PUS1: variants seen among roughly 807,000 people sequenced by gnomAD.
PUS1 encodes pseudouridylate synthase 1 homolog.
A neutral mutation model predicts 38.5 loss-of-function variants in PUS1; 25 were observed. The ratio of observed to expected loss-of-function variants is 0.65; its 90% CI spans 0.47 to 0.91. The LOEUF (loss-of-function observed/expected upper bound fraction) is 0.91. Ranked by LOEUF, PUS1 falls within the 40% of genes least tolerant of loss-of-function variation. The probability of loss-of-function intolerance (pLI) is 0.00; values close to 1 mark genes in which losing one functional copy is unlikely to be tolerated. For missense variants in PUS1, 597 were observed against 612.3 expected (o/e 0.97, Z 0.26); for synonymous variants, 282 against 260.4 (o/e 1.08, Z -0.80).
At chr12:131,938,048 T>C (rs1437236358) in intron 3 of PUS1, among the ~76,000 whole-genome samples, 1 of 152,196 alleles carries the variant, frequency 6.6e-6, no homozygotes, top group East Asian at 1.9e-4. Flanking sequence ...TTCAGCTTCT[T>C]TGATGTGGCA....
Position 131,929,473 on chromosome 12 carries a change from A to G in PUS1, c.-250A>G. The G allele has an allele frequency of 2.3e-6, 1 of 443,098 alleles. No homozygotes were observed. Among genetic ancestry groups the G allele is most frequent in the Non-Finnish European group, 4.0e-6 (1 of 251,394 alleles). The allele number at this position is 443,098 out of a possible 1,614,324, so 27.4% of individuals were successfully genotyped here. A position where few individuals can be genotyped will look rare whatever the true frequency, so the allele number is the denominator to read the frequency against. The stretch of plus-strand genomic sequence containing the variant: ...TCCCGGGGCGGTCTGGGGGCAGTAG[A>G]GACGGGGCTTGGGCGCGGGGCCTGA... On this transcript the variant is annotated 5_prime_UTR_variant, in exon 1 of 6. Coordinates refer to ENST00000376649, the MANE Select transcript of PUS1 (RefSeq NM_025215.6).
intron 3 of PUS1, among the ~76,000 whole-genome samples, chr12:131,938,883 G>A (rs867956800): frequency 2.6e-5 from 4 of 152,042 alleles, no homozygotes; most frequent in South Asian, 2.1e-4. Context: ...CACCATGCCC[G>A]GCTAATTTTT....
Position 131,932,340 on chromosome 12 carries a change from C to G in PUS1, c.441+28C>G, listed in dbSNP as rs568380130. 7.1e-5 allele frequency: 114 copies of G among 1,612,136 alleles called. 1 individual carries two copies. In the East Asian group the frequency reaches 7.8e-4, roughly 11 times the overall value. On this transcript the variant is annotated intron_variant, in intron 3 of 5. Transcript: ENST00000376649. ...GGGTGGTGGCCTTCTCTGCCCCTCC[C>G]CCGCTGCTATGAGCAGCACGTGGCC...
chr12:131,941,886 C>T lies in PUS1; in HGVS notation c.1139C>T (p.Thr380Ile). The change falls in exon 5 of 6, where the codon ACC (threonine) becomes ATC (isoleucine). Residue 380 changes from threonine (T) to isoleucine (I), a missense_variant. Transcript: ENST00000376649. The surrounding 1 kb of genome is among the most constrained non-coding windows in gnomAD (Gnocchi z 4.4). ...CACATCTACCCCACCATCATCGGCA[C>T]CGAGCGGGACGAACGCTCCATGGCC... ...EEHIYPTIIGTERDERSMAQW... is the reference protein window; with the variant it reads ...EEHIYPTIIGIERDERSMAQW... 1 of 1,613,600 alleles carries T rather than the reference C, an allele frequency of 6.2e-7. No individual in the cohort carries two copies. The highest frequency in any genetic ancestry group is 8.5e-7 in the Non-Finnish European group (1 of 1,180,020).
At position 131,929,810 on chromosome 12, in the gene PUS1, C is replaced by A; in HGVS notation, c.74+14C>A. The A allele has an allele frequency of 6.4e-7, 1 of 1,571,510 alleles. No homozygotes were observed. On this transcript the variant is annotated intron_variant, in intron 1 of 5. Transcript: ENST00000376649. ...GCGTCCGTCCTGGTAATGACCGCGA[C>A]GCCGGGCGACCCCGCTATGCCCGCC...
At chr12:131,932,072 A>G (rs1181782934) in intron 2 of PUS1, 103 bp from the exon 3 acceptor site, 1 of 952,802 alleles carries the variant, frequency 1.0e-6, no homozygotes, top group South Asian at 1.4e-5. Flanking sequence ...GCACTTCAGG[A>G]GGCCAGAGGA....
intron 3 of PUS1, among the ~76,000 whole-genome samples, chr12:131,936,210 C>CAA (rs764654394): frequency 8.2e-6 from 1 of 122,636 alleles, no homozygotes. Context: ...GACTCCATCT[C>CAA]AAAAAAAAAA....
At position 131,944,492 on chromosome 12, in the gene PUS1, T is replaced by C. The variant is rs907509258; in HGVS notation, c.*906T>C. ...TTGCGCCACTGCACTCCAGCCTGGG[T>C]GAGAGAGCCAAACTCCGTCAAAAAA... On this transcript the variant is annotated 3_prime_UTR_variant, in exon 6 of 6. Transcript: ENST00000376649. The C allele has an allele frequency of 6.6e-6, 1 of 151,724 alleles. No homozygotes were observed. The highest frequency in any genetic ancestry group is 1.5e-5 in the Non-Finnish European group (1 of 68,070). 9.4% of individuals were successfully genotyped at this position (151,724 alleles called of 1,614,324 possible).
chr12:131,929,817 C>A (rs375967131), intron 1 of PUS1, 21 bp downstream of exon 1: 38 of 1,565,450 alleles, frequency 2.4e-5, no homozygotes, highest in Non-Finnish European at 3.3e-5. Context: ...CGACGCCGGG[C>A]GACCCCGCTA....
intron 3 of PUS1, among the ~76,000 whole-genome samples, chr12:131,935,113 CT>C: frequency 6.9e-6 from 1 of 145,332 alleles, no homozygotes; most frequent in South Asian, 2.3e-4. Context: ...AAGTTCACTC[CT>C]AGTGGGTGAG....
In PUS1 at chr12:131,943,975, A is replaced by G. The variant is rs746186731; in HGVS notation, c.*389A>G. ...GCTGAACAAAAGAGAAAGGCCCAGG[A>G]GGTTGGCTCAGCCTGTAATCCCAGC... On this transcript the variant is annotated 3_prime_UTR_variant, in exon 6 of 6. Transcript: ENST00000376649. The G allele has an allele frequency of 3.6e-6, 1 of 277,676 alleles. No individual in the cohort carries two copies. The highest frequency in any genetic ancestry group is 7.1e-6 in the Non-Finnish European group (1 of 140,922). 17.2% of individuals were successfully genotyped at this position (277,676 alleles called of 1,614,324 possible).
intron 3 of PUS1, chr12:131,932,903 G>A (rs1024969033): frequency 2.7e-5 from 11 of 412,318 alleles, no homozygotes; most frequent in African/African-American, 4.2e-5. Flanking sequence ...ATAAAGAAAA[G>A]AGGTTGAATT....
At position 131,930,055 on chromosome 12, in the gene PUS1, G is replaced by A. The variant is rs1890524431; in HGVS notation, c.223G>A (p.Glu75Lys). ...GAAGAAGCTCAAGAGCGGTGGCGAC[G>A]AGGAGCGGCGCGAGAAGCCGCCCAA... ...PAKKLKSGGD[E>K]ERREKPPKRK... is the part of the protein sequence containing the mutation. The change falls in exon 2 of 6, where the codon GAG becomes AAG. Residue 75 changes from glutamate (E) to lysine (K), a missense_variant. Physicochemically the swap from Glu to Lys is moderately conservative, Grantham distance 56. Transcript: ENST00000376649. The A allele has an allele frequency of 1.4e-6, 2 of 1,440,928 alleles. No homozygotes were observed. Among genetic ancestry groups the A allele is most frequent in the Non-Finnish European group, 9.1e-7 (1 of 1,097,646 alleles). The allele number at this position is 1,440,928 out of a possible 1,614,324, so 89.3% of individuals were successfully genotyped here.
intron 3 of PUS1, among the ~76,000 whole-genome samples, chr12:131,938,867 G>A (rs1295628177): frequency 3.9e-5 from 6 of 152,012 alleles, no homozygotes; most frequent in Non-Finnish European, 7.4e-5. Flanking sequence ...GACTACAGGC[G>A]CCTGTCACCA....
intron 2 of PUS1, 101 bp from the exon 3 acceptor site, chr12:131,932,074 G>T (rs1233282238): frequency 2.0e-6 from 2 of 986,304 alleles, no homozygotes; most frequent in Non-Finnish European, 3.2e-6. Context: ...ACTTCAGGAG[G>T]CCAGAGGAGT....
In PUS1 at chr12:131,939,566, T is replaced by TA. The variant is rs552531024; in HGVS notation, c.544+294dup. Among the ~76,000 whole-genome samples, 458 of 152,356 alleles carry TA rather than the reference T, an allele frequency of 3.0e-3. 4 individuals are homozygous for TA. The highest frequency in any genetic ancestry group is 0.011 in the African/African-American group (442 of 41,580). On this transcript the variant is annotated intron_variant, in intron 4 of 5. Transcript: ENST00000376649. Reference sequence around the variant, plus strand: ...TTGTTCCCTCTTACGGCAGGACTGGTAAATGGAATTTTTAGGCCTCCTTAA... The same window carrying TA: ...TTGTTCCCTCTTACGGCAGGACTGGTAAAATGGAATTTTTAGGCCTCCTTAA...
chr12:131,932,747 G>T (rs1456039954), intron 3 of PUS1: 4 of 409,290 alleles, frequency 9.8e-6, no homozygotes, highest in Non-Finnish European at 1.9e-5. Context: ...CTGTTGCCCA[G>T]GCTGGAGTGC....
At chr12:131,930,580 C>A (rs952756843) in intron 2 of PUS1, among the ~76,000 whole-genome samples, 6 of 152,196 alleles carry the variant, frequency 3.9e-5, no homozygotes, top group African/African-American at 1.4e-4. Context: ...CAGCCCACTT[C>A]CTTTTCTGGA....
rs1011916350 is a variant in PUS1, at chr12:131,941,374, C to G, written c.627C>G (p.Ala209=). The change falls in exon 5 of 6, where the codon GCC becomes GCG. Residue 209 remains alanine, a synonymous_variant. Transcript: ENST00000376649. This position sits in a 1 kb window ranked among gnomAD's most constrained non-coding sequence, Gnocchi z 4.4. ...RTYCYLLPTF[A]FAHKDRDVQD... The stretch of plus-strand genomic sequence containing the variant: ...ATTGCTACCTGCTGCCCACGTTTGC[C>G]TTTGCGCACAAGGACCGGGACGTTC... The G allele has an allele frequency of 6.2e-7, 1 of 1,614,244 alleles. No homozygotes were observed. Among genetic ancestry groups the G allele is most frequent in the Non-Finnish European group, 8.5e-7 (1 of 1,180,052 alleles).
Sources: gnomAD v4.1 joint callset for allele counts (sites outside exome capture counted in the v4.1 genomes callset) on GRCh38, gnomAD v4.1.1 for gene constraint, Gnocchi (gnomAD v3.1) non-coding constraint, MANE v1.5 for transcripts, NCBI Gene and HGNC (gene_info 2026-07-23, HGNC 2026-07-21) for gene names.